RTKN2: variants seen among roughly 807,000 people sequenced by gnomAD.
RTKN2 encodes the protein rhotekin 2.
In RTKN2, 69 loss-of-function variants were observed where a neutral mutation model predicts 71.5. The observed-to-expected ratio is 0.96, with a 90% CI of 0.79 to 1.18. RTKN2 has a LOEUF of 1.18. RTKN2 is among the 50% of genes most tolerant of loss of function. The pLI is 0.00. For missense variants in RTKN2, 724 were observed against 719.7 expected, an observed-to-expected ratio of 1.01 and a Z score of -0.07; for synonymous variants, 236 against 236.5, an observed-to-expected ratio of 1.00 and a Z score of 0.02.
At chr10:62,231,260 A>T (rs980209956) in intron 6 of RTKN2, among the ~76,000 whole-genome samples, 3 of 152,198 alleles carry the variant, frequency 2.0e-5, no homozygotes, top group African/African-American at 7.2e-5. Context: ...TTAAAGAATA[A>T]TGTACTAAAT....
chr10:62,194,866 T>A lies in RTKN2; in HGVS notation c.*3042A>T, dbSNP rs1444964325. The A allele has an allele frequency of 7.1e-6, 7 of 984,904 alleles. No homozygotes were observed. In the African/African-American group the frequency reaches 1.2e-4, roughly 17 times the overall value. 61.0% of individuals were successfully genotyped at this position (984,904 alleles called of 1,614,324 possible). ...CCAAAGGGTAAAGATAAGGCATTTA[T>A]AATAAATGGATTTAGTTTTCCACAT... On this transcript the variant is annotated 3_prime_UTR_variant, in exon 12 of 12. Coordinates refer to ENST00000373789, the MANE Select transcript of RTKN2 (RefSeq NM_145307.4).
downstream of RTKN2, among the ~76,000 whole-genome samples, chr10:62,189,628 C>T (rs1026117426): frequency 6.6e-6 from 1 of 152,098 alleles, no homozygotes; most frequent in Non-Finnish European, 1.5e-5. Flanking sequence ...GAGTTCAAGA[C>T]CAGCCTGGCT....
In RTKN2 at chr10:62,254,590, C is replaced by G. The variant is rs187888836; in HGVS notation, c.257+8035G>C. Among the ~76,000 whole-genome samples the G allele has an allele frequency of 3.9e-5, 6 of 151,926 alleles. No individual in the cohort carries two copies. In the East Asian group the frequency reaches 1.2e-3, roughly 29 times the overall value. ...GGATGTACATATATGTGTATATATA[C>G]GTATACACACACAAAGAACTGCAAA... On this transcript the variant is annotated intron_variant, in intron 2 of 11. Transcript: ENST00000373789.
rs551677493 is a variant in RTKN2 at position 62,203,797 on chromosome 10, A to C, written c.1186+1060T>G. On this transcript the variant is annotated intron_variant, in intron 10 of 11. Transcript: ENST00000373789. ...GGGAACCCTCTAGTTCGATGCTGTG[A>C]AACAGAAACCTCTTCAGGCCTAAGT... Among the ~76,000 whole-genome samples, 9 of 152,368 alleles carry C rather than the reference A, an allele frequency of 5.9e-5. No individual in the cohort carries two copies. The South Asian group carries it at 1.9e-3, about 32-fold the overall frequency.
intron 10 of RTKN2, among the ~76,000 whole-genome samples, chr10:62,203,536 GGTTTTACCAT>G (rs1841489775): frequency 1.3e-5 from 2 of 152,058 alleles, no homozygotes; most frequent in East Asian, 3.9e-4. Context: ...GTAGATACGG[GGTTTTACCAT>G]GTTGGTCAGG....
At chr10:62,215,580 T>A (rs1432415) in intron 9 of RTKN2, among the ~76,000 whole-genome samples, 1 of 151,832 alleles carries the variant, frequency 6.6e-6, no homozygotes, top group Non-Finnish European at 1.5e-5. Context: ...ATTATGGTTA[T>A]GAAAAAGTGT....
rs1842253527 is a variant in RTKN2, at chr10:62,236,118, C to T, written c.634G>A (p.Val212Met). Reference protein sequence around the residue: ...SKATGKKISSVLQEEDDEMCL... With the variant: ...SKATGKKISSMLQEEDDEMCL... ...ATTTCATCATCCTCTTCTTGAAGCA[C>T]TGAACTTATTTTCTTTCCTGTAGCT... The change falls in exon 6 of 12, where the codon GTG becomes ATG. Residue 212 changes from valine (V) to methionine (M), a missense_variant. Val to Met is a conservative substitution (Grantham distance 21, BLOSUM62 1). Coordinates refer to ENST00000373789, the MANE Select transcript of RTKN2 (RefSeq NM_145307.4). The T allele has an allele frequency of 6.2e-7, 1 of 1,612,888 alleles. No homozygotes were observed. The highest frequency in any genetic ancestry group is 1.3e-5 in the African/African-American group (1 of 74,878).
intron 6 of RTKN2, among the ~76,000 whole-genome samples, chr10:62,230,420 A>G (rs896780430): frequency 3.3e-5 from 5 of 151,890 alleles, no homozygotes; most frequent in African/African-American, 1.2e-4. Context: ...CAGGTGATCC[A>G]CCCACCTCGG....
rs1397102508 is a variant in RTKN2 at position 62,195,926 on chromosome 10, A to G, written c.*1982T>C. The G allele has an allele frequency of 1.0e-6, 1 of 985,132 alleles. No homozygotes were observed. Among genetic ancestry groups the G allele is most frequent in the Non-Finnish European group, 1.2e-6 (1 of 829,816 alleles). 61.0% of individuals were successfully genotyped at this position (985,132 alleles called of 1,614,324 possible). A position where few individuals can be genotyped will look rare whatever the true frequency, so the allele number is the denominator to read the frequency against. On this transcript the variant is annotated 3_prime_UTR_variant, in exon 12 of 12. Coordinates refer to ENST00000373789, the MANE Select transcript of RTKN2 (RefSeq NM_145307.4). ...CAACTGCTAGGTAATTTCTGTATGAATACTTTCTTTTTCTTATACACCTTA... is the reference window on the plus strand; with the variant it reads ...CAACTGCTAGGTAATTTCTGTATGAGTACTTTCTTTTTCTTATACACCTTA...
intron 4 of RTKN2, among the ~76,000 whole-genome samples, 198 bp downstream of exon 4, chr10:62,240,944 A>G (rs1376132107): frequency 1.3e-5 from 2 of 152,190 alleles, no homozygotes; most frequent in Non-Finnish European, 2.9e-5. Flanking sequence ...CTAAAAGTAC[A>G]CTACATATGC....
intron 3 of RTKN2, among the ~76,000 whole-genome samples, chr10:62,243,206 T>A (rs1409530550): frequency 6.8e-6 from 1 of 147,232 alleles, no homozygotes; most frequent in Non-Finnish European, 1.5e-5. Flanking sequence ...ATTGCTCAAT[T>A]CCCACCTATG....
chr10:62,191,024 C>T (rs1191890213), downstream of RTKN2, among the ~76,000 whole-genome samples: 1 of 152,148 alleles, frequency 6.6e-6, no homozygotes, highest in Non-Finnish European at 1.5e-5. Context: ...CTCCAGGAAC[C>T]CATTGGATGA....
chr10:62,247,783 A>T (rs976385571), intron 2 of RTKN2, among the ~76,000 whole-genome samples: 7 of 152,098 alleles, frequency 4.6e-5, no homozygotes, highest in Non-Finnish European at 7.4e-5. Flanking sequence ...CAAGAAATAC[A>T]ATACAAACAT....
chr10:62,223,575 G>A (rs1841956280), intron 6 of RTKN2, among the ~76,000 whole-genome samples: 1 of 152,056 alleles, frequency 6.6e-6, no homozygotes, highest in Non-Finnish European at 1.5e-5. Context: ...ATAAAAAGAT[G>A]CTCAGTATCA....
In RTKN2 at chr10:62,197,951, T is replaced by C. The variant is rs1372862937; in HGVS notation, c.1787A>G (p.Lys596Arg). The change falls in exon 12 of 12, where the codon AAA becomes AGA. Residue 596 changes from lysine to arginine, a missense_variant. Coordinates refer to ENST00000373789, the MANE Select transcript of RTKN2 (RefSeq NM_145307.4). ...PVPAPRQKSI[K>R]DILDPRSWLQ... ...CCATGATCTAGGGTCCAGAATGTCTTTGATGGATTTCTGCCTTGGAGCTGG... is the reference window on the plus strand; with the variant it reads ...CCATGATCTAGGGTCCAGAATGTCTCTGATGGATTTCTGCCTTGGAGCTGG... 6.2e-7 allele frequency: 1 copy of C among 1,614,024 alleles called. No homozygotes were observed. The highest frequency in any genetic ancestry group is 8.5e-7 in the Non-Finnish European group (1 of 1,179,928).
intron 8 of RTKN2, among the ~76,000 whole-genome samples, chr10:62,187,963 C>T (rs1841163016): frequency 6.6e-6 from 1 of 152,224 alleles, no homozygotes; most frequent in Non-Finnish European, 1.5e-5. Context: ...GATCTGACCA[C>T]ATCTGCCTTA....
In RTKN2 at chr10:62,197,883, T is replaced by A. The variant is rs765693104; in HGVS notation, c.*25A>T. ...TAAGCTTCACAGTTATAGATTTTGT[T>A]AAATGTTTTATCATTAAGAGTTTTC... On this transcript the variant is annotated 3_prime_UTR_variant, in exon 12 of 12. Transcript: ENST00000373789. 1.3e-6 allele frequency: 2 copies of A among 1,574,798 alleles called. No homozygotes were observed. The highest frequency in any genetic ancestry group is 1.9e-5 in the Admixed American group (1 of 52,718).
intron 9 of RTKN2, among the ~76,000 whole-genome samples, chr10:62,213,532 C>T (rs1470864252): frequency 6.6e-6 from 1 of 152,106 alleles, no homozygotes; most frequent in Non-Finnish European, 1.5e-5. Context: ...AATGGGAAAT[C>T]TGAATATGGA....
At position 62,197,444 on chromosome 10, in the gene RTKN2, C is replaced by T. The variant is rs1841352822; in HGVS notation, c.*464G>A. On this transcript the variant is annotated 3_prime_UTR_variant, in exon 12 of 12. Transcript: ENST00000373789. ...ACCATTAGATGAGAATTCCAGAATG[C>T]TAAGAAAATTTTCTTGGGTGGATTC... 6 of 986,362 alleles carry T rather than the reference C, an allele frequency of 6.1e-6. No homozygotes were observed. Among genetic ancestry groups the T allele is most frequent in the Non-Finnish European group, 7.2e-6 (6 of 830,442 alleles). 61.1% of individuals were successfully genotyped at this position (986,362 alleles called of 1,614,324 possible).
Sources: gnomAD v4.1 joint callset for allele counts (sites outside exome capture counted in the v4.1 genomes callset) on GRCh38, gnomAD v4.1.1 for gene constraint, MANE v1.5 for transcripts, NCBI Gene and HGNC (gene_info 2026-07-23, HGNC 2026-07-21) for gene names.